Variants in ZNF268 observed in about 807,000 individuals in gnomAD.
The protein encoded by ZNF268 is zinc finger protein 3.
ZNF268 carries 20 observed loss-of-function variants against 29.3 expected under a neutral mutation model. The observed-to-expected ratio is 0.68, with a 90% CI of 0.48 to 0.99. ZNF268 has a LOEUF of 0.99. Among genes scored for constraint, ZNF268 ranks in the 50% least tolerant of loss-of-function variants. The pLI is 0.00. For synonymous variants in ZNF268, 429 were observed against 376.9 expected (o/e 1.14, Z -1.60); for missense variants, 1,240 against 1,121.6 (o/e 1.11, Z -1.51).
rs1483798489 is a variant in ZNF268, at chr12:133,202,072, T to A, written c.458-72T>A. 1.0e-5 allele frequency: 13 copies of A among 1,284,020 alleles called. No individual in the cohort carries two copies. In the Admixed American group the frequency reaches 3.3e-4, roughly 33 times the overall value. The allele number at this position is 1,284,020 out of a possible 1,614,324, so 79.5% of individuals were successfully genotyped here. ...TATAACATGTGACTAATTGTTCTTATTTCATAGGCAACTTTCTAGTATACC... is the reference window on the plus strand; with the variant it reads ...TATAACATGTGACTAATTGTTCTTAATTCATAGGCAACTTTCTAGTATACC... On this transcript the variant is annotated intron_variant, in intron 5 of 5. Coordinates refer to ENST00000536435, the MANE Select transcript of ZNF268 (RefSeq NM_003415.3).
Position 133,213,499 on chromosome 12 carries a change from C to G in ZNF268, c.*8969C>G, listed in dbSNP as rs1957015592. ...AGGAGTGCGAGACCAGCCTGGTTAA[C>G]TTGGTGAAACCACGTCTCTACTAAA... On this transcript the variant is annotated 3_prime_UTR_variant, in exon 6 of 6. Transcript: ENST00000536435. The G allele has an allele frequency of 6.9e-6, 1 of 144,994 alleles. No individual in the cohort carries two copies. Among genetic ancestry groups the G allele is most frequent in the South Asian group, 2.2e-4 (1 of 4,522 alleles). The allele number at this position is 144,994 out of a possible 1,614,324, so 9.0% of individuals were successfully genotyped here.
chr12:133,195,415 G>A (rs1956570190), intron 5 of ZNF268, among the ~76,000 whole-genome samples: 1 of 152,100 alleles, frequency 6.6e-6, no homozygotes, highest in Non-Finnish European at 1.5e-5. Flanking sequence ...TTTTTTACAG[G>A]AACCATGTGC....
Position 133,187,982 on chromosome 12 carries a change from A to T in ZNF268, c.144A>T (p.Thr48=). ...GTPGLQPLPG[T]PRQKQKSRRI... ...CTGGTCTGCAACCTCTCCCTGGAAC[A>T]CCCAGGCAGAAGCAGAAGAGTCGCA... The change falls in exon 3 of 6, where the codon ACA becomes ACT. Residue 48 remains threonine, a synonymous_variant. Coordinates refer to ENST00000536435, the MANE Select transcript of ZNF268 (RefSeq NM_003415.3). The T allele has an allele frequency of 6.3e-7, 1 of 1,598,732 alleles. No individual in the cohort carries two copies. The highest frequency in any genetic ancestry group is 2.2e-5 in the East Asian group (1 of 44,536).
chr12:133,207,657 A>G lies in ZNF268; in HGVS notation c.*3127A>G, dbSNP rs1333278281. On this transcript the variant is annotated 3_prime_UTR_variant, in exon 6 of 6. Coordinates refer to ENST00000536435, the MANE Select transcript of ZNF268 (RefSeq NM_003415.3). ...ACCCCTCTCTACTAAAAATACAAAA[A>G]AATAGCAGGGCATGGTAACTGACAC... 1.3e-5 allele frequency: 2 copies of G among 152,106 alleles called. No homozygotes were observed. Among genetic ancestry groups the G allele is most frequent in the African/African-American group, 2.4e-5 (1 of 41,412 alleles). The allele number at this position is 152,106 out of a possible 1,614,324, so 9.4% of individuals were successfully genotyped here.
chr12:133,204,150 C>T lies in ZNF268; in HGVS notation c.2464C>T (p.Leu822=). The T allele has an allele frequency of 6.5e-7, 1 of 1,542,922 alleles. No homozygotes were observed. Among genetic ancestry groups the T allele is most frequent in the Non-Finnish European group, 8.7e-7 (1 of 1,147,378 alleles). Residue 822 remains leucine (L), a synonymous_variant, in exon 6 of 6, where the codon CTA becomes TTA. Transcript: ENST00000536435. ...TGGGAAAGCCTTCATTTGGAAATCA[C>T]TACTCATTGTACATGAGCGAACTCA... ...ECGKAFIWKS[L]LIVHERTHAG...
At chr12:133,193,852 T>C (rs1956533950) in intron 5 of ZNF268, among the ~76,000 whole-genome samples, 1 of 152,200 alleles carries the variant, frequency 6.6e-6, no homozygotes, top group Non-Finnish European at 1.5e-5. Context: ...TTTCAGAAAC[T>C]GGAATCGTCT....
At chr12:133,186,505 C>G (rs1279115925) in intron 2 of ZNF268, among the ~76,000 whole-genome samples, 1 of 151,750 alleles carries the variant, frequency 6.6e-6, no homozygotes, top group Non-Finnish European at 1.5e-5. Flanking sequence ...TCCCAAGTAG[C>G]TGGGGCTACA....
Position 133,202,774 on chromosome 12 carries a change from G to T in ZNF268, c.1088G>T (p.Cys363Phe). 6.2e-7 allele frequency: 1 copy of T among 1,610,698 alleles called. No individual in the cohort carries two copies. The highest frequency in any genetic ancestry group is 1.1e-5 in the South Asian group (1 of 90,868). ...ACAGGTGAGAATCCCTATGAGTGCTGTGAATGTGGGAAAGTCTTCAGTAGG... is the reference window on the plus strand; with the variant it reads ...ACAGGTGAGAATCCCTATGAGTGCTTTGAATGTGGGAAAGTCTTCAGTAGG... The part of the protein sequence containing the change: ...IHTGENPYEC[C>F]ECGKVFSRKD... The change falls in exon 6 of 6, where the codon TGT becomes TTT. Residue 363 changes from cysteine (C) to phenylalanine (F), a missense_variant. Physicochemically the swap from Cys to Phe is radical, Grantham distance 205 (BLOSUM62 -2). Transcript: ENST00000536435.
intron 5 of ZNF268, among the ~76,000 whole-genome samples, chr12:133,197,283 C>T (rs1243317175): frequency 6.8e-6 from 1 of 146,054 alleles, no homozygotes; most frequent in South Asian, 2.2e-4. Flanking sequence ...TGAGAATATG[C>T]GGTGTTTGGT....
In ZNF268 at chr12:133,212,634, A is replaced by T. The variant is rs1957005894; in HGVS notation, c.*8104A>T. The T allele has an allele frequency of 1.3e-5, 2 of 151,892 alleles. No homozygotes were observed. The highest frequency in any genetic ancestry group is 4.8e-5 in the African/African-American group (2 of 41,338). 9.4% of individuals were successfully genotyped at this position (151,892 alleles called of 1,614,324 possible). A position where few individuals can be genotyped will look rare whatever the true frequency, so the allele number is the denominator to read the frequency against. ...TGTACACTTCAGTGGCATGAAGTACATTATTTCCATTATTGTGCAACTATC... is the reference window on the plus strand; with the variant it reads ...TGTACACTTCAGTGGCATGAAGTACTTTATTTCCATTATTGTGCAACTATC... On this transcript the variant is annotated 3_prime_UTR_variant, in exon 6 of 6. Transcript: ENST00000536435.
rs750818793 is a variant in ZNF268 at position 133,202,715 on chromosome 12, C to T, written c.1029C>T (p.Phe343=). 14 of 1,611,166 alleles carry T rather than the reference C, an allele frequency of 8.7e-6. No homozygotes were observed. Among genetic ancestry groups the T allele is most frequent in the African/African-American group, 1.3e-5 (1 of 74,784 alleles). Reference sequence around the variant, plus strand: ...GTGAATGCAGGAAAACATTCAGTTTCCATTCACAGCTTGTTATACATCAGA... The same window carrying T: ...GTGAATGCAGGAAAACATTCAGTTTTCATTCACAGCTTGTTATACATCAGA... ...ECSECRKTFS[F]HSQLVIHQRI... Residue 343 remains phenylalanine, a synonymous_variant, in exon 6 of 6, where the codon TTC becomes TTT. Coordinates refer to ENST00000536435, the MANE Select transcript of ZNF268 (RefSeq NM_003415.3).
intron 2 of ZNF268, among the ~76,000 whole-genome samples, chr12:133,186,929 G>A (rs999838848): frequency 4.6e-5 from 7 of 152,102 alleles, no homozygotes; most frequent in Admixed American, 1.3e-4. Context: ...CTTTCTGTAC[G>A]TACTATTCTT....
rs75772856 is a variant in ZNF268 at position 133,202,301 on chromosome 12, G to A, written c.615G>A (p.Thr205=). The change falls in exon 6 of 6, where the codon ACG becomes ACA. Residue 205 remains threonine, a synonymous_variant. Transcript: ENST00000536435. ...LSRQKPHKCG[T]HGKSLKYIDF... is the part of the protein sequence containing the mutation. ...GACAAAAACCTCATAAATGTGGCAC[G>A]CATGGAAAGAGTTTGAAATATATAG... 28,236 of 1,612,328 alleles carry A rather than the reference G, an allele frequency of 0.018. 334 individuals carry two copies. The highest frequency in any genetic ancestry group is 0.032 in the Middle Eastern group (191 of 6,058).
chr12:133,181,994 A>G lies in ZNF268; in HGVS notation c.-4A>G, dbSNP rs780052512. 6.4e-7 allele frequency: 1 copy of G among 1,565,258 alleles called. No homozygotes were observed. ...CAGCGAGGCACACAAAACTGACCGTAGGGATGGCCACCAGGGTCCGGACAG... is the reference window on the plus strand; with the variant it reads ...CAGCGAGGCACACAAAACTGACCGTGGGGATGGCCACCAGGGTCCGGACAG... On this transcript the variant is annotated 5_prime_UTR_variant, in exon 2 of 6. Transcript: ENST00000536435.
At chr12:133,184,967 T>C (rs1457465672) in intron 2 of ZNF268, among the ~76,000 whole-genome samples, 1 of 152,142 alleles carries the variant, frequency 6.6e-6, no homozygotes, top group Non-Finnish European at 1.5e-5. Context: ...GCAGATCATC[T>C]GAGGTCAGGA....
rs771628773 is a variant in ZNF268, at chr12:133,203,041, C to G, written c.1355C>G (p.Ala452Gly). Residue 452 changes from alanine (A) to glycine (G), a missense_variant, in exon 6 of 6, where the codon GCC (alanine) becomes GGC (glycine). This residue lies in a region of ZNF268 where 1,177 missense variants were observed against 1,039.6 expected (regional missense o/e 1.13). Coordinates refer to ENST00000536435, the MANE Select transcript of ZNF268 (RefSeq NM_003415.3). ...KPYVCSDCGK[A>G]FTFKSQLIVH... ...TATGTTTGTAGTGATTGTGGAAAAG[C>G]CTTTACATTCAAGTCACAGCTCATT... 4 of 1,540,300 alleles carry G rather than the reference C, an allele frequency of 2.6e-6. No homozygotes were observed. Among genetic ancestry groups the G allele is most frequent in the South Asian group, 1.2e-5 (1 of 84,256 alleles).
chr12:133,203,733 C>G lies in ZNF268; in HGVS notation c.2047C>G (p.Leu683Val), dbSNP rs1741938582. 3.2e-6 allele frequency: 5 copies of G among 1,553,548 alleles called. No individual in the cohort carries two copies. The highest frequency in any genetic ancestry group is 4.3e-6 in the Non-Finnish European group (5 of 1,155,780). ...AAAAACCTTTAGTTTGAAGTCCCAG[C>G]TCATTGTACATCAGAGAAGTCACAC... ...CAKTFSLKSQ[L>V]IVHQRSHTGV... The change falls in exon 6 of 6, where the codon CTC (leucine) becomes GTC (valine). Residue 683 changes from leucine (L) to valine (V), a missense_variant. Around this residue, in one of 3 missense-constraint regions of ZNF268, gnomAD observed 1,177 missense variants for 1,039.6 expected, o/e 1.13. Coordinates refer to ENST00000536435, the MANE Select transcript of ZNF268 (RefSeq NM_003415.3).
Position 133,203,294 on chromosome 12 carries a change from CT to C in ZNF268, c.1610del (p.Phe537SerfsTer59). ...ATGAATGCAACAATTGTGGGAAAGC[CT>C]TCAGTTTTAAATCACAGCTCATTAT... ...LHECNNCGKA[F>X]SFKSQLIIHQ... On this transcript the variant is annotated frameshift_variant, in exon 6 of 6. Coordinates refer to ENST00000536435, the MANE Select transcript of ZNF268 (RefSeq NM_003415.3). LOFTEE classifies it low-confidence loss of function (END_TRUNC). 1 of 1,540,138 alleles carries C rather than the reference CT, an allele frequency of 6.5e-7. No individual in the cohort carries two copies.
In ZNF268 at chr12:133,204,890, AGACTT is replaced by A. The variant is rs1956861591; in HGVS notation, c.*361_*365del. 5.7e-6 allele frequency: 1 copy of A among 175,744 alleles called. No homozygotes were observed. The highest frequency in any genetic ancestry group is 2.4e-5 in the African/African-American group (1 of 42,362). 10.9% of individuals were successfully genotyped at this position (175,744 alleles called of 1,614,324 possible). The stretch of plus-strand genomic sequence containing the variant: ...TTCATGAACCAGATGAATATAGAAT[AGACTT>A]CTTTGAAATTCATAGTTTACAGAAT... On this transcript the variant is annotated 3_prime_UTR_variant, in exon 6 of 6. Transcript: ENST00000536435.
Sources: allele counts gnomAD v4.1 joint callset (sites outside exome capture counted in the v4.1 genomes callset), GRCh38; gene constraint gnomAD v4.1.1; regional missense constraint gnomAD v4.1.1; transcripts MANE v1.5; gene names NCBI Gene and HGNC (gene_info 2026-07-23, HGNC 2026-07-21).